UNC5D: variants seen among roughly 807,000 people sequenced by gnomAD.
The protein encoded by UNC5D is netrin receptor UNC5D.
A neutral mutation model predicts 105.4 loss-of-function variants in UNC5D; 39 were observed. The observed-to-expected ratio is 0.37, with a 90% CI of 0.29 to 0.48. UNC5D has a LOEUF of 0.48. UNC5D is among the 20% of genes least tolerant of loss of function. The pLI is 0.98. For missense variants in UNC5D, 991 were observed against 1,202.4 expected, an observed-to-expected ratio of 0.82 and a Z score of 2.60; for synonymous variants, 452 against 450.4, an observed-to-expected ratio of 1.00 and a Z score of -0.04.
chr8:35,707,347 CCTGCTGT>C (rs1302835254), intron 8 of UNC5D, among the ~76,000 whole-genome samples: 4 of 152,018 alleles, frequency 2.6e-5, no homozygotes, highest in Non-Finnish European at 5.9e-5. Flanking sequence ...AACTTATTTC[CCTGCTGT>C]CTGCTGCCCA....
chr8:35,533,462 A>T (rs6992246), intron 1 of UNC5D, among the ~76,000 whole-genome samples: 2 of 151,944 alleles, frequency 1.3e-5, no homozygotes, highest in African/African-American at 4.8e-5. Flanking sequence ...CTGTCATACA[A>T]GGACACTTAA....
intron 4 of UNC5D, among the ~76,000 whole-genome samples, chr8:35,625,478 CT>C (rs763631773): frequency 1.2e-4 from 18 of 152,186 alleles, no homozygotes; most frequent in Non-Finnish European, 2.4e-4. Context: ...GCAAGTATCA[CT>C]AAAGCTGGGA....
intron 3 of UNC5D, among the ~76,000 whole-genome samples, chr8:35,586,213 A>G (rs149214477): frequency 4.6e-5 from 7 of 152,322 alleles, no homozygotes; most frequent in African/African-American, 1.4e-4. Context: ...AACAGCGGTT[A>G]CAGTGAGCCA....
intron 4 of UNC5D, among the ~76,000 whole-genome samples, chr8:35,653,344 A>G (rs964477025): frequency 1.3e-5 from 2 of 152,084 alleles, no homozygotes; most frequent in African/African-American, 4.8e-5. Flanking sequence ...CCAACATTTT[A>G]TATATCCTGT....
chr8:35,555,604 G>A (rs2130723034), intron 2 of UNC5D, among the ~76,000 whole-genome samples: 1 of 152,158 alleles, frequency 6.6e-6, no homozygotes, highest in East Asian at 1.9e-4. Context: ...AAGGCAGGCA[G>A]ATCACAAGGT....
chr8:35,635,207 C>A (rs962805782), intron 4 of UNC5D, among the ~76,000 whole-genome samples: 7 of 152,128 alleles, frequency 4.6e-5, no homozygotes, highest in Non-Finnish European at 7.3e-5. Flanking sequence ...CTTTCCTTGA[C>A]TCTCCCTTTC....
rs1347043026 is a variant in UNC5D at position 35,686,654 on chromosome 8, C to T, written c.1029C>T (p.Phe343=). The T allele has an allele frequency of 6.2e-7, 1 of 1,605,562 alleles. No homozygotes were observed. The highest frequency in any genetic ancestry group is 1.4e-5 in the African/African-American group (1 of 74,046). Residue 343 remains phenylalanine, a synonymous_variant, in exon 7 of 17, where the codon TTC becomes TTT. Coordinates refer to ENST00000404895, the MANE Select transcript of UNC5D (RefSeq NM_080872.4). ...CACCCCCGAGAAATGGGGGCAAATT[C>T]TGTGAAGGTCTAAGCCAGGAATCTG... The part of the protein sequence containing the change: ...TAPPPRNGGK[F]CEGLSQESEN...
chr8:35,249,591 AT>A (rs1563249385), intron 1 of UNC5D, among the ~76,000 whole-genome samples: 6 of 132,700 alleles, frequency 4.5e-5, no homozygotes, highest in South Asian at 2.4e-4. Flanking sequence ...AATAATAATA[AT>A]AATAATAATA....
intron 1 of UNC5D, among the ~76,000 whole-genome samples, chr8:35,370,971 CTG>C (rs1802397370): frequency 6.6e-6 from 1 of 152,142 alleles, no homozygotes; most frequent in Non-Finnish European, 1.5e-5. Context: ...TACCTGTAAT[CTG>C]AGCACTTTGT....
chr8:35,422,389 G>A (rs559230527), intron 1 of UNC5D, among the ~76,000 whole-genome samples: 56 of 152,278 alleles, frequency 3.7e-4, no homozygotes, highest in Middle Eastern at 3.4e-3. Flanking sequence ...CAATCCTGGC[G>A]GAGAGAGAGT....
At chr8:35,535,121 T>G (rs940243068) in intron 1 of UNC5D, among the ~76,000 whole-genome samples, 1 of 152,138 alleles carries the variant, frequency 6.6e-6, no homozygotes, top group Non-Finnish European at 1.5e-5. Flanking sequence ...GCCAACAAAA[T>G]TAAGTGCTTG....
chr8:35,466,751 A>T (rs1405614601), intron 1 of UNC5D, among the ~76,000 whole-genome samples: 1 of 152,184 alleles, frequency 6.6e-6, no homozygotes, highest in Non-Finnish European at 1.5e-5. Flanking sequence ...TTCATTGATC[A>T]TATAAAAAGA....
intron 1 of UNC5D, among the ~76,000 whole-genome samples, chr8:35,284,892 TTC>T (rs1806477522): frequency 6.6e-6 from 1 of 152,138 alleles, no homozygotes; most frequent in South Asian, 2.1e-4. Context: ...AGCAAAATAT[TTC>T]TCTCTCTGAG....
At chr8:35,746,578 T>C (rs1563728925) in intron 11 of UNC5D, among the ~76,000 whole-genome samples, 1 of 152,190 alleles carries the variant, frequency 6.6e-6, no homozygotes, top group African/African-American at 2.4e-5. Flanking sequence ...ATATTCAATA[T>C]GCACTGCCTC....
chr8:35,575,215 T>G (rs1818006905), intron 3 of UNC5D, among the ~76,000 whole-genome samples: 2 of 152,020 alleles, frequency 1.3e-5, no homozygotes, highest in African/African-American at 4.8e-5. Context: ...TGCTTGAGGA[T>G]TCAACCTGCA....
intron 4 of UNC5D, among the ~76,000 whole-genome samples, chr8:35,671,832 A>G (rs1490531229): frequency 1.3e-5 from 2 of 152,134 alleles, no homozygotes; most frequent in Non-Finnish European, 2.9e-5. Context: ...GATTAACTCA[A>G]TGGCATCTAC....
chr8:35,696,357 A>AGTT (rs1293895596), intron 7 of UNC5D, among the ~76,000 whole-genome samples: 1 of 150,766 alleles, frequency 6.6e-6, no homozygotes, highest in Non-Finnish European at 1.5e-5. Context: ...ATGTTTCCAA[A>AGTT]GTTTAGGCTT....
At chr8:35,592,420 A>G (rs1358890011) in intron 3 of UNC5D, among the ~76,000 whole-genome samples, 2 of 152,162 alleles carry the variant, frequency 1.3e-5, no homozygotes, top group African/African-American at 4.8e-5. Flanking sequence ...TAGAAATTGG[A>G]TCAGTTCCTG....
At chr8:35,525,897 T>C in intron 1 of UNC5D, 1 of 820,532 alleles carries the variant, frequency 1.2e-6, no homozygotes, top group South Asian at 1.9e-5. Flanking sequence ...TTTTCTTTTC[T>C]CTCCCTGCAC....
Sources: allele counts gnomAD v4.1 joint callset (sites outside exome capture counted in the v4.1 genomes callset), GRCh38; gene constraint gnomAD v4.1.1; transcripts MANE v1.5; gene names NCBI Gene and HGNC (gene_info 2026-07-23, HGNC 2026-07-21).